DOK7: variants seen among roughly 807,000 people sequenced by gnomAD.
DOK7 encodes the protein protein Dok-7.
DOK7 carries 32 observed loss-of-function variants against 30.7 expected under a neutral mutation model. The ratio of observed to expected loss-of-function variants is 1.04; its 90% CI spans 0.79 to 1.40. The LOEUF is 1.40. Among genes scored for constraint, DOK7 ranks in the 40% most tolerant of loss-of-function variants. The probability of loss-of-function intolerance (pLI) is 0.00; values close to 1 mark genes in which losing one functional copy is unlikely to be tolerated. For synonymous variants in DOK7, 447 were observed against 324.1 expected (o/e 1.38, Z -4.07); for missense variants, 1,007 against 699.2 (o/e 1.44, Z -4.97).
rs188726025 is a variant in DOK7 at position 3,486,634 on chromosome 4, G to A, written c.652+976G>A. Among the ~76,000 whole-genome samples, 663 of 152,284 alleles carry A rather than the reference G, an allele frequency of 4.4e-3. 9 individuals are homozygous for A. The highest frequency in any genetic ancestry group is 0.015 in the African/African-American group (641 of 41,562). Reference sequence around the variant, plus strand: ...GGCACCTATGGCCAGCGCCCTCCCCGCTGCCCTGCCATGCTGGATGGTGCA... The same window carrying A: ...GGCACCTATGGCCAGCGCCCTCCCCACTGCCCTGCCATGCTGGATGGTGCA... On this transcript the variant is annotated intron_variant, in intron 5 of 6. Coordinates refer to ENST00000340083, the MANE Select transcript of DOK7 (RefSeq NM_173660.5).
chr4:3,489,995 G>A (rs1242328478), intron 6 of DOK7, among the ~76,000 whole-genome samples, 199 bp downstream of exon 6: 19 of 39,926 alleles, frequency 4.8e-4, no homozygotes, highest in African/African-American at 4.5e-4. Context: ...CCACCACCCT[G>A]CTCATTCCTT....
chr4:3,481,385 T>C (rs1727434062), intron 4 of DOK7, among the ~76,000 whole-genome samples: 1 of 151,716 alleles, frequency 6.6e-6, no homozygotes, highest in African/African-American at 2.4e-5. Flanking sequence ...ACCCTGTGGA[T>C]TGCAGGAATG....
rs781227659 is a variant in DOK7 at position 3,476,506 on chromosome 4, G to A, written c.496G>A (p.Gly166Arg). The change falls in exon 4 of 7, where the codon GGA becomes AGA. Residue 166 changes from glycine to arginine, a missense_variant. Gly to Arg is a moderately radical substitution (Grantham distance 125, BLOSUM62 -2). Coordinates refer to ENST00000340083, the MANE Select transcript of DOK7 (RefSeq NM_173660.5). ...DLRRYGAVPS[G>R]FIFEGGTRCG... is the part of the protein sequence containing the mutation. ...CCGGCGCTACGGGGCCGTGCCAAGCGGATTCATCTTTGAAGGCGGGACCAG... is the reference window on the plus strand; with the variant it reads ...CCGGCGCTACGGGGCCGTGCCAAGCAGATTCATCTTTGAAGGCGGGACCAG... The A allele has an allele frequency of 1.5e-5, 24 of 1,613,802 alleles. No individual in the cohort carries two copies. The highest frequency in any genetic ancestry group is 1.7e-5 in the Non-Finnish European group (20 of 1,180,034).
rs115904578 is a variant in DOK7, at chr4:3,469,355, G to A, written c.101-4051G>A. 7.0e-3 allele frequency among the ~76,000 whole-genome samples: 1,067 copies of A among 152,172 alleles called. 6 individuals are homozygous for A. Among genetic ancestry groups the A allele is most frequent in the African/African-American group, 0.025 (1,025 of 41,510 alleles). On this transcript the variant is annotated intron_variant, in intron 2 of 6. Coordinates refer to ENST00000340083, the MANE Select transcript of DOK7 (RefSeq NM_173660.5). ...GCCCAGTGCTGCCTGCCAGAGCCCC[G>A]GGAACCCTCCAAGTTCTGCAAAAGC...
chr4:3,478,097 AG>A (rs992261365), intron 4 of DOK7, among the ~76,000 whole-genome samples: 1 of 152,026 alleles, frequency 6.6e-6, no homozygotes, highest in African/African-American at 2.4e-5. Context: ...TGCCTGGAGG[AG>A]GGGGACCCAT....
intron 2 of DOK7, among the ~76,000 whole-genome samples, chr4:3,472,112 C>T (rs1726796612): frequency 6.6e-6 from 1 of 152,246 alleles, no homozygotes; most frequent in Non-Finnish European, 1.5e-5. Flanking sequence ...TTGCTGACCG[C>T]TGGCCCCTGT....
In DOK7 at chr4:3,479,420, A is replaced by T. The variant is rs148218696; in HGVS notation, c.532+2878A>T. On this transcript the variant is annotated intron_variant, in intron 4 of 6. Transcript: ENST00000340083. Reference sequence around the variant, plus strand: ...CAACTGGGGCCACTGGGACGGAGAAATATCCAGAATCTGAATCCCAATAAG... The same window carrying T: ...CAACTGGGGCCACTGGGACGGAGAATTATCCAGAATCTGAATCCCAATAAG... Among the ~76,000 whole-genome samples the T allele has an allele frequency of 9.2e-3, 1,406 of 152,352 alleles. 23 individuals are homozygous for T. The highest frequency in any genetic ancestry group is 0.03 in the African/African-American group (1,256 of 41,590).
chr4:3,484,815 G>C (rs926760525), intron 4 of DOK7: 1 of 985,408 alleles, frequency 1.0e-6, no homozygotes, highest in African/African-American at 1.7e-5. Context: ...GTGCTGGCCA[G>C]CAGTGACGGC....
intron 4 of DOK7, chr4:3,484,542 CCATTCACGCGGCCGCCAGGGCTT>C (rs1727637272): frequency 1.0e-6 from 1 of 985,408 alleles, no homozygotes. Context: ...GCCCAGTGGC[CCATTCACGCGGCCGCCAGGGCTT>C]CATTCACCCC....
At position 3,493,187 on chromosome 4, in the gene DOK7, C is replaced by T; in HGVS notation, c.1201C>T (p.Leu401=). The part of the protein sequence containing the change: ...GTVEYQVPTS[L]RAHYDTPRSL... ...AGTCGAGTACCAGGTGCCCACCTCC[C>T]TGCGGGCCCACTATGACACACCACG... is the stretch of plus-strand genomic sequence containing the variant. The change falls in exon 7 of 7, where the codon CTG becomes TTG. Residue 401 remains leucine (L), a synonymous_variant. Coordinates refer to ENST00000340083, the MANE Select transcript of DOK7 (RefSeq NM_173660.5). 1 of 1,610,612 alleles carries T rather than the reference C, an allele frequency of 6.2e-7. No homozygotes were observed. The highest frequency in any genetic ancestry group is 1.7e-5 in the Admixed American group (1 of 59,840).
At chr4:3,464,078 C>A (rs1445647700) in intron 2 of DOK7, among the ~76,000 whole-genome samples, 1 of 152,166 alleles carries the variant, frequency 6.6e-6, no homozygotes, top group Non-Finnish European at 1.5e-5. Flanking sequence ...CGCCCTGAGC[C>A]AGCACCCCAG....
At chr4:3,469,562 G>T (rs538529042) in intron 2 of DOK7, among the ~76,000 whole-genome samples, 2 of 152,260 alleles carry the variant, frequency 1.3e-5, no homozygotes, top group East Asian at 3.9e-4. Flanking sequence ...GGAGGGTGTG[G>T]CTGGGGCCCT....
exon 8 of DOK7, chr4:3,500,821 A>G (rs1369117279): frequency 1.3e-6 from 2 of 1,531,268 alleles, no homozygotes; most frequent in Admixed American, 2.0e-5. Flanking sequence ...GCAGCCCCGC[A>G]GTGAGGTCAC....
intron 6 of DOK7, among the ~76,000 whole-genome samples, chr4:3,491,031 T>TC (rs200086860): frequency 2.7e-5 from 2 of 73,406 alleles, no homozygotes; most frequent in Non-Finnish European, 5.5e-5. Flanking sequence ...ATTCCTTCCT[T>TC]CCCCCCCATT....
At chr4:3,485,898 G>C (rs944963964) in intron 5 of DOK7, among the ~76,000 whole-genome samples, 1 of 152,168 alleles carries the variant, frequency 6.6e-6, no homozygotes, top group South Asian at 2.1e-4. Context: ...TCGGGGGTCC[G>C]AGCTGTTGGA....
downstream of DOK7, among the ~76,000 whole-genome samples, chr4:3,497,985 G>T (rs138345326): frequency 2.8e-4 from 43 of 152,312 alleles, no homozygotes; most frequent in East Asian, 5.6e-3. Context: ...CAGGTGTGGG[G>T]ATCAAGGGGA....
chr4:3,494,376 C>A lies in DOK7; in HGVS notation c.*875C>A. ...TGCACAGCCTGGAGCCTGCCCTGACCACAGCCCAGCAGCTCCCTGTGAACA... is the reference window on the plus strand; with the variant it reads ...TGCACAGCCTGGAGCCTGCCCTGACAACAGCCCAGCAGCTCCCTGTGAACA... On this transcript the variant is annotated 3_prime_UTR_variant, in exon 7 of 7. Coordinates refer to ENST00000340083, the MANE Select transcript of DOK7 (RefSeq NM_173660.5). 7.1e-6 allele frequency: 7 copies of A among 985,590 alleles called. No individual in the cohort carries two copies. Among genetic ancestry groups the A allele is most frequent in the Non-Finnish European group, 8.4e-6 (7 of 830,008 alleles). The allele number at this position is 985,590 out of a possible 1,614,324, so 61.1% of individuals were successfully genotyped here. A position where few individuals can be genotyped will look rare whatever the true frequency, so the allele number is the denominator to read the frequency against.
At chr4:3,473,690 G>T (rs1201145291) in intron 3 of DOK7, 54 bp downstream of exon 3, 7 of 1,480,536 alleles carry the variant, frequency 4.7e-6, no homozygotes, top group Non-Finnish European at 5.4e-6. Context: ...GTGTGCCGGG[G>T]CCCCTCACCA....
At chr4:3,492,587 G>A (rs961879974) in intron 6 of DOK7, among the ~76,000 whole-genome samples, 172 bp from the exon 7 acceptor site, 2 of 152,134 alleles carry the variant, frequency 1.3e-5, no homozygotes, top group African/African-American at 4.8e-5. Flanking sequence ...GAGGGGTAGA[G>A]GGGTTGTTGT....
Sources: gnomAD v4.1 joint callset for allele counts (sites outside exome capture counted in the v4.1 genomes callset) on GRCh38, gnomAD v4.1.1 for gene constraint, MANE v1.5 for transcripts, NCBI Gene and HGNC (gene_info 2026-07-23, HGNC 2026-07-21) for gene names.